ARCN1: variants seen among roughly 807,000 people sequenced by gnomAD.
ARCN1 encodes the protein coatomer subunit delta.
Under a neutral mutation model 60.4 loss-of-function variants are expected in ARCN1, and 5 were observed. The ratio of observed to expected loss-of-function variants is 0.08; its 90% confidence interval spans 0.04 to 0.17. The LOEUF is 0.17. Ranked by LOEUF, ARCN1 falls within the 10% of genes least tolerant of loss-of-function variation. ARCN1 has a pLI of 1.00. For missense variants in ARCN1, 464 were observed against 626.5 expected, an observed-to-expected ratio of 0.74 and a Z score of 2.77; for synonymous variants, 224 against 220.0, an observed-to-expected ratio of 1.02 and a Z score of -0.16.
At position 118,584,512 on chromosome 11, in the gene ARCN1, G is replaced by A; in HGVS notation, c.686G>A (p.Gly229Glu). The A allele has an allele frequency of 6.2e-7, 1 of 1,613,178 alleles. No homozygotes were observed. Among genetic ancestry groups the A allele is most frequent in the African/African-American group, 1.3e-5 (1 of 74,988 alleles). Reference sequence around the variant, plus strand: ...GGCCCCAGCAAGGCTTTAAAACTTGGAGCCAAAGGAAAGGAAGTAGATAAC... The same window carrying A: ...GGCCCCAGCAAGGCTTTAAAACTTGAAGCCAAAGGAAAGGAAGTAGATAAC... ...PSGPSKALKL[G>E]AKGKEVDNFV... The change falls in exon 5 of 10, where the codon GGA becomes GAA. Residue 229 changes from glycine (G) to glutamate (E), a missense_variant. By Grantham distance (98) the Gly-to-Glu change is moderately conservative. Around this residue, in one of 2 missense-constraint regions of ARCN1, gnomAD observed 359 missense variants for 440.2 expected, o/e 0.82. Coordinates refer to ENST00000264028, the MANE Select transcript of ARCN1 (RefSeq NM_001655.5).
chr11:118,572,663 G>A, intron 1 of ARCN1, 113 bp downstream of exon 1: 3 of 1,400,612 alleles, frequency 2.1e-6, no homozygotes, highest in Non-Finnish European at 2.9e-6. Flanking sequence ...CTAGGGCAGA[G>A]TGCTTTTGCT....
intron 3 of ARCN1, 51 bp from the exon 4 acceptor site, chr11:118,583,758 C>G (rs782341289): frequency 6.3e-7 from 1 of 1,585,880 alleles, no homozygotes; most frequent in South Asian, 1.2e-5. Flanking sequence ...GACCCTGTCT[C>G]AACAAAAACC....
chr11:118,583,283 T>C lies in ARCN1; in HGVS notation c.372T>C (p.Asn124=), dbSNP rs1016617781. 4.3e-6 allele frequency: 7 copies of C among 1,614,072 alleles called. No homozygotes were observed. Among genetic ancestry groups the C allele is most frequent in the Non-Finnish European group, 5.9e-6 (7 of 1,180,048 alleles). ...TTGTCGCACTGGGATACCGGGAGAA[T>C]GTTAACTTGGCACAGATCAGAACCT... The part of the protein sequence containing the change: ...DEIVALGYRE[N]VNLAQIRTFT... The change falls in exon 3 of 10, where the codon AAT becomes AAC. Residue 124 remains asparagine, a synonymous_variant. Coordinates refer to ENST00000264028, the MANE Select transcript of ARCN1 (RefSeq NM_001655.5).
rs1939158228 is a variant in ARCN1, at chr11:118,602,018, T to C, written c.*1304T>C. 2 of 364,092 alleles carry C rather than the reference T, an allele frequency of 5.5e-6. No individual in the cohort carries two copies. Among genetic ancestry groups the C allele is most frequent in the Non-Finnish European group, 1.0e-5 (2 of 199,858 alleles). 22.6% of individuals were successfully genotyped at this position (364,092 alleles called of 1,614,324 possible). ...CACTCTCTGTCATCAGTCCCCTCCT[T>C]TCTAACAGAAATGGGGTTATGATTT... On this transcript the variant is annotated 3_prime_UTR_variant, in exon 10 of 10. Transcript: ENST00000264028.
chr11:118,596,066 CAAAA>C (rs545024182), intron 8 of ARCN1, among the ~76,000 whole-genome samples: 1 of 130,110 alleles, frequency 7.7e-6, no homozygotes, highest in East Asian at 2.2e-4. Context: ...GATTCCGTCT[CAAAA>C]AAAAAAAAAA....
At chr11:118,574,518 A>G (rs190703062) in intron 1 of ARCN1, among the ~76,000 whole-genome samples, 2 of 152,264 alleles carry the variant, frequency 1.3e-5, no homozygotes, top group East Asian at 1.9e-4. Flanking sequence ...TTTATCATGC[A>G]TCTAATCATC....
At chr11:118,578,144 A>G (rs1938564880) in intron 1 of ARCN1, among the ~76,000 whole-genome samples, 1 of 150,936 alleles carries the variant, frequency 6.6e-6, no homozygotes, top group Non-Finnish European at 1.5e-5. Context: ...CCTGGACTAC[A>G]GAGTGAGACA....
chr11:118,574,546 A>G (rs1207000914), intron 1 of ARCN1, among the ~76,000 whole-genome samples: 1 of 152,030 alleles, frequency 6.6e-6, no homozygotes, highest in African/African-American at 2.4e-5. Flanking sequence ...CCCTCTCTCC[A>G]TTAAAAAAAA....
chr11:118,600,883 G>A lies in ARCN1; in HGVS notation c.*169G>A. On this transcript the variant is annotated 3_prime_UTR_variant, in exon 10 of 10. Coordinates refer to ENST00000264028, the MANE Select transcript of ARCN1 (RefSeq NM_001655.5). ...CCTCGACTCACCCCCATGTTTCAGT[G>A]TCACAGAGACATTCTTTGATAAGGA... 2.1e-6 allele frequency: 1 copy of A among 481,682 alleles called. No homozygotes were observed. The highest frequency in any genetic ancestry group is 2.4e-5 in the South Asian group (1 of 40,996). 29.8% of individuals were successfully genotyped at this position (481,682 alleles called of 1,614,324 possible).
intron 4 of ARCN1, among the ~76,000 whole-genome samples, chr11:118,584,254 C>G (rs1192014653): frequency 6.6e-6 from 1 of 152,068 alleles, no homozygotes; most frequent in Non-Finnish European, 1.5e-5. Context: ...TGAGAGTTGC[C>G]TTATTGTGGG....
At chr11:118,589,171 G>A (rs1938841408) in intron 5 of ARCN1, among the ~76,000 whole-genome samples, 1 of 152,030 alleles carries the variant, frequency 6.6e-6, no homozygotes, top group African/African-American at 2.4e-5. Context: ...TATATAATCT[G>A]CTTCTTAATG....
Position 118,593,632 on chromosome 11 carries a change from A to G in ARCN1, c.1175A>G (p.Asn392Ser), listed in dbSNP as rs1938961210. Residue 392 changes from asparagine (N) to serine (S), a missense_variant, in exon 8 of 10, where the codon AAC becomes AGC. Physicochemically the swap from Asn to Ser is conservative, Grantham distance 46. Transcript: ENST00000264028. Reference sequence around the variant, plus strand: ...GAGAGTGGAAATGGCTGTGATGTCAACATAGAATATGAGCTACAAGAAGAT... The same window carrying G: ...GAGAGTGGAAATGGCTGTGATGTCAGCATAGAATATGAGCTACAAGAAGAT... ...PSESGNGCDV[N>S]IEYELQEDNL... 6.2e-7 allele frequency: 1 copy of G among 1,613,840 alleles called. No homozygotes were observed. The highest frequency in any genetic ancestry group is 8.5e-7 in the Non-Finnish European group (1 of 1,179,804).
Position 118,597,716 on chromosome 11 carries a change from C to T in ARCN1, c.1251C>T (p.Val417=), listed in dbSNP as rs148336184. Residue 417 remains valine (V), a synonymous_variant, in exon 9 of 10, where the codon GTC becomes GTT. Coordinates refer to ENST00000264028, the MANE Select transcript of ARCN1 (RefSeq NM_001655.5). ...VVITIPLPSG[V]GAPVIGEIDG... ...ATGTTTCTCACAACAGGTCTGGTGT[C>T]GGCGCGCCTGTTATCGGTGAGATCG... 116 of 1,613,962 alleles carry T rather than the reference C, an allele frequency of 7.2e-5. No individual in the cohort carries two copies. The highest frequency in any genetic ancestry group is 2.5e-4 in the East Asian group (11 of 44,880).
At position 118,601,810 on chromosome 11, in the gene ARCN1, T is replaced by C; in HGVS notation, c.*1096T>C. ...CAAATGGCACAGTCCCTCTTCAAGA[T>C]GTCTAAAAGAATGGTTATGTCTGTC... On this transcript the variant is annotated 3_prime_UTR_variant, in exon 10 of 10. Coordinates refer to ENST00000264028, the MANE Select transcript of ARCN1 (RefSeq NM_001655.5). 1.5e-6 allele frequency: 1 copy of C among 687,352 alleles called. No individual in the cohort carries two copies. Among genetic ancestry groups the C allele is most frequent in the Non-Finnish European group, 2.7e-6 (1 of 375,368 alleles). 42.6% of individuals were successfully genotyped at this position (687,352 alleles called of 1,614,324 possible).
intron 5 of ARCN1, 100 bp from the exon 6 acceptor site, chr11:118,590,241 C>A: frequency 1.1e-6 from 1 of 909,016 alleles, no homozygotes. Flanking sequence ...GTGATCTGCC[C>A]GCCTTGGCCT....
intron 8 of ARCN1, 131 bp from the exon 9 acceptor site, chr11:118,597,576 C>T: frequency 5.0e-6 from 3 of 595,876 alleles, no homozygotes; most frequent in South Asian, 5.7e-5. Context: ...AAGTTATTAG[C>T]CTTTTTTTCC....
chr11:118,600,311 T>A (rs1360770733), intron 9 of ARCN1, among the ~76,000 whole-genome samples: 1 of 152,220 alleles, frequency 6.6e-6, no homozygotes, highest in South Asian at 2.1e-4. Flanking sequence ...CCTGATAGAA[T>A]GTCTATGAAT....
At position 118,601,594 on chromosome 11, in the gene ARCN1, C is replaced by G. The variant is rs1555078141; in HGVS notation, c.*880C>G. Reference sequence around the variant, plus strand: ...ACCCATTCTTGATTTTTGGACTATTCAGGTGAACTATTTGAGGGGTATGGG... The same window carrying G: ...ACCCATTCTTGATTTTTGGACTATTGAGGTGAACTATTTGAGGGGTATGGG... On this transcript the variant is annotated 3_prime_UTR_variant, in exon 10 of 10. Coordinates refer to ENST00000264028, the MANE Select transcript of ARCN1 (RefSeq NM_001655.5). 1.4e-6 allele frequency: 1 copy of G among 701,918 alleles called. No homozygotes were observed. The highest frequency in any genetic ancestry group is 2.6e-6 in the Non-Finnish European group (1 of 384,434). 43.5% of individuals were successfully genotyped at this position (701,918 alleles called of 1,614,324 possible).
intron 9 of ARCN1, among the ~76,000 whole-genome samples, chr11:118,600,213 C>T (rs1397358332): frequency 1.3e-5 from 2 of 152,208 alleles, no homozygotes; most frequent in Non-Finnish European, 2.9e-5. Context: ...CTTACTGGGA[C>T]TTTTAACACG....
Sources: gnomAD v4.1 joint callset for allele counts (sites outside exome capture counted in the v4.1 genomes callset) on GRCh38, gnomAD v4.1.1 for gene constraint, gnomAD v4.1.1 regional missense constraint, MANE v1.5 for transcripts, NCBI Gene and HGNC (gene_info 2026-07-23, HGNC 2026-07-21) for gene names.